OTOG: variants seen among roughly 807,000 people sequenced by gnomAD.
OTOG encodes otogelin.
Under a neutral mutation model 313.8 loss-of-function variants are expected in OTOG, and 296 were observed. The observed-to-expected ratio is 0.94, with a 90% CI of 0.86 to 1.04. The LOEUF is 1.04. Among genes scored for constraint, OTOG ranks in the 50% least tolerant of loss-of-function variants. The pLI is 0.00. For missense variants in OTOG, 3,948 were observed against 3,840.1 expected (o/e 1.03, Z -0.74); for synonymous variants, 1,533 against 1,554.9 (o/e 0.99, Z 0.33).
rs900991154 is a variant in OTOG, at chr11:17,610,014, G to A, written c.4714G>A (p.Val1572Ile). The A allele has an allele frequency of 1.9e-6, 3 of 1,546,558 alleles. No individual in the cohort carries two copies. The African/African-American group carries it at 4.1e-5, about 21-fold the overall frequency. The change falls in exon 36 of 56, where the codon GTT becomes ATT. Residue 1572 changes from valine to isoleucine, a missense_variant. Coordinates refer to ENST00000399397, the MANE Select transcript of OTOG (RefSeq NM_001292063.2). ...PHTPESSSLP[V>I]ALQTPTPGMV... ...TACACCAGAGTCCTCATCCCTCCCT[G>A]TTGCACTGCAGACACCCACACCTGG...
At position 17,634,960 on chromosome 11, in the gene OTOG, GGGGTGGGGA is replaced by G. The variant is rs1490129613; in HGVS notation, c.7585+21_7585+29del. The G allele has an allele frequency of 6.6e-7, 1 of 1,517,614 alleles. No individual in the cohort carries two copies. Among genetic ancestry groups the G allele is most frequent in the Non-Finnish European group, 8.9e-7 (1 of 1,119,260 alleles). The allele number at this position is 1,517,614 out of a possible 1,614,324, so 94.0% of individuals were successfully genotyped here. ...CAGCTACAGCTGTGGTGAGAGGCCCGGGGTGGGGAGGGTGGGGGACGGACTGAGGGCAGT... is the reference window on the plus strand; with the variant it reads ...CAGCTACAGCTGTGGTGAGAGGCCCGGGGTGGGGGACGGACTGAGGGCAGT... On this transcript the variant is annotated intron_variant, in intron 45 of 55. Transcript: ENST00000399397.
At chr11:17,634,350 C>T in intron 44 of OTOG, 69 bp downstream of exon 44, 1 of 1,453,378 alleles carries the variant, frequency 6.9e-7, no homozygotes, top group Non-Finnish European at 9.4e-7. Flanking sequence ...CCCTGCACAC[C>T]AACCCTGATG....
chr11:17,613,204 T>TTTCTTTCTTTCA lies in OTOG; in HGVS notation c.6439-397_6439-396insATTCTTTCTTTC, dbSNP rs1590043474. ...TTTCTTTCTTTCTTTCTTTTCTTTC[T>TTTCTTTCTTTCA]TTCTTTCTTTCTTTCTTTCTTTCTT... On this transcript the variant is annotated intron_variant, in intron 38 of 55. Coordinates refer to ENST00000399397, the MANE Select transcript of OTOG (RefSeq NM_001292063.2). 5.4e-5 allele frequency among the ~76,000 whole-genome samples: 5 copies of TTTCTTTCTTTCA among 93,032 alleles called. No individual in the cohort carries two copies. In the East Asian group the frequency reaches 9.6e-4, roughly 18 times the overall value. The allele number at this position is 93,032 out of a possible 152,430, so 61.0% of individuals were successfully genotyped here. A position where few individuals can be genotyped will look rare whatever the true frequency, so the allele number is the denominator to read the frequency against.
chr11:17,573,271 C>T lies in OTOG; in HGVS notation c.2274C>T (p.Arg758=), dbSNP rs16934404. 7.4e-3 allele frequency: 11,311 copies of T among 1,528,074 alleles called. 347 individuals carry two copies. The East Asian group carries it at 0.088, about 12-fold the overall frequency. 94.7% of individuals were successfully genotyped at this position (1,528,074 alleles called of 1,614,324 possible). ...CRRHGLPVDF[R]ARLPACALSC... is the part of the protein sequence containing the mutation. ...GCCATGGGCTCCCCGTTGATTTCCG[C>T]GCCCGCCTGCCAGCCTGTGGTGAGT... The change falls in exon 19 of 56, where the codon CGC becomes CGT. Residue 758 remains arginine, a synonymous_variant. Coordinates refer to ENST00000399397, the MANE Select transcript of OTOG (RefSeq NM_001292063.2).
At position 17,553,382 on chromosome 11, in the gene OTOG, G is replaced by A. The variant is rs1253570421; in HGVS notation, c.403G>A (p.Glu135Lys). 12 of 1,463,864 alleles carry A rather than the reference G, an allele frequency of 8.2e-6. No individual in the cohort carries two copies. The allele number at this position is 1,463,864 out of a possible 1,614,324, so 90.7% of individuals were successfully genotyped here. Residue 135 changes from glutamate (E) to lysine (K), a missense_variant, in exon 6 of 56, where the codon GAG (glutamate) becomes AAG (lysine). Physicochemically the swap from Glu to Lys is moderately conservative, Grantham distance 56. Transcript: ENST00000399397. ...TCCCTCAGTGTACAATGCCGGCCCT[G>A]AGAGGGACAGCATTTGCCGGGCGTG... Reference protein sequence around the residue: ...RCQMVYNAGPERDSICRAWGQ... With the variant: ...RCQMVYNAGPKRDSICRAWGQ...
chr11:17,602,846 G>T (rs1404927349), intron 32 of OTOG, among the ~76,000 whole-genome samples: 1 of 152,122 alleles, frequency 6.6e-6, no homozygotes, highest in East Asian at 1.9e-4. Context: ...AAGAGACAAG[G>T]TCCCTGCCCA....
chr11:17,558,054 G>C (rs775294338), intron 8 of OTOG, 131 bp from the exon 9 acceptor site: 4 of 1,158,570 alleles, frequency 3.5e-6, no homozygotes, highest in Admixed American at 2.6e-5. Context: ...ATTGGGATGG[G>C]AGCTCAGGAG....
At chr11:17,578,169 G>T (rs1290781663) in intron 22 of OTOG, 4 of 1,168,772 alleles carry the variant, frequency 3.4e-6, no homozygotes, top group Non-Finnish European at 4.4e-6. Flanking sequence ...CCTGGTGGCC[G>T]CAGTCTTATT....
At chr11:17,602,124 C>G (rs574711655) in intron 31 of OTOG, 86 bp from the exon 32 acceptor site, 7 of 1,461,448 alleles carry the variant, frequency 4.8e-6, no homozygotes, top group Non-Finnish European at 6.4e-6. Context: ...GCCCTCCCAC[C>G]CCACTGCTGC....
At position 17,602,260 on chromosome 11, in the gene OTOG, C is replaced by G. The variant is rs1416271649; in HGVS notation, c.3760C>G (p.Leu1254Val). The G allele has an allele frequency of 8.4e-6, 13 of 1,550,486 alleles. No homozygotes were observed. The highest frequency in any genetic ancestry group is 1.0e-5 in the Non-Finnish European group (12 of 1,146,980). The change falls in exon 32 of 56, where the codon CTG (leucine) becomes GTG (valine). Residue 1254 changes from leucine to valine, a missense_variant. Physicochemically the swap from Leu to Val is conservative, Grantham distance 32. Transcript: ENST00000399397. ...ATCCAGCTTGGCAGCCGGTGGTGCT[C>G]TGGTGGGCATGAAGGCGGTGGGCGA... The part of the protein sequence containing the change: ...QLSSLAAGGA[L>V]VGMKAVGDDI...
chr11:17,611,453 C>G (rs141591212), intron 36 of OTOG, 30 bp downstream of exon 36: 1 of 1,475,452 alleles, frequency 6.8e-7, no homozygotes, highest in Non-Finnish European at 9.1e-7. Context: ...TCTGGCCACC[C>G]GTATGTGACC....
intron 39 of OTOG, among the ~76,000 whole-genome samples, chr11:17,616,790 A>G (rs767984655): frequency 1.3e-5 from 2 of 152,232 alleles, no homozygotes; most frequent in South Asian, 2.1e-4. Flanking sequence ...ATAGACAATT[A>G]TGTCTTCTCC....
chr11:17,613,850 G>T, intron 39 of OTOG, 149 bp downstream of exon 39: 1 of 653,972 alleles, frequency 1.5e-6, no homozygotes, highest in South Asian at 1.8e-5. Context: ...GCAAAATTAG[G>T]TATATTTGGA....
chr11:17,603,271 C>A (rs368143939), intron 32 of OTOG, among the ~76,000 whole-genome samples: 1 of 152,136 alleles, frequency 6.6e-6, no homozygotes. Context: ...GAAGCACCAC[C>A]CCCAAAGACA....
At position 17,634,067 on chromosome 11, in the gene OTOG, A is replaced by G. The variant is rs1051452474; in HGVS notation, c.7268-2A>G. On this transcript the variant is annotated splice_acceptor_variant, in intron 43 of 55. Transcript: ENST00000399397. LOFTEE classifies it high-confidence loss of function. Reference sequence around the variant, plus strand: ...CTCGCACCCTGCCATTCCCCTCTGCAGCCTGCACTGACAGCATGGGGGTGC... The same window carrying G: ...CTCGCACCCTGCCATTCCCCTCTGCGGCCTGCACTGACAGCATGGGGGTGC... The G allele has an allele frequency of 6.5e-7, 1 of 1,543,830 alleles. No individual in the cohort carries two copies. Among genetic ancestry groups the G allele is most frequent in the Non-Finnish European group, 8.7e-7 (1 of 1,146,588 alleles).
intron 33 of OTOG, among the ~76,000 whole-genome samples, chr11:17,607,802 C>T (rs75659765): frequency 2.2e-4 from 33 of 152,216 alleles, no homozygotes; most frequent in South Asian, 2.1e-3. Flanking sequence ...CCCAGTGCCT[C>T]CCCTCACCCT....
At position 17,569,175 on chromosome 11, in the gene OTOG, T is replaced by C. The variant is rs772164299; in HGVS notation, c.1664T>C (p.Val555Ala). The part of the protein sequence containing the change: ...PCGLNQDGAC[V>A]QSVSVILHQD... The stretch of plus-strand genomic sequence containing the variant: ...CTCCAGAACCAAGATGGAGCCTGTG[T>C]CCAGTCAGTGTCAGTGATTCTGCAC... Residue 555 changes from valine to alanine, a missense_variant, in exon 16 of 56, where the codon GTC becomes GCC. Transcript: ENST00000399397. The C allele has an allele frequency of 3.2e-6, 5 of 1,550,628 alleles. No individual in the cohort carries two copies. The highest frequency in any genetic ancestry group is 4.4e-6 in the Non-Finnish European group (5 of 1,147,008).
intron 47 of OTOG, 102 bp from the exon 48 acceptor site, chr11:17,638,349 A>C: frequency 3.0e-6 from 3 of 1,000,084 alleles, no homozygotes; most frequent in Non-Finnish European, 4.4e-6. Context: ...GTCACTAAGG[A>C]GGAGCTGGGG....
chr11:17,574,700 C>T lies in OTOG; in HGVS notation c.2294-20C>T. 6.5e-7 allele frequency: 1 copy of T among 1,545,268 alleles called. No homozygotes were observed. The highest frequency in any genetic ancestry group is 8.7e-7 in the Non-Finnish European group (1 of 1,143,998). On this transcript the variant is annotated intron_variant, in intron 19 of 55. Transcript: ENST00000399397. ...GGGGATGAGGGAGACAAAGCATGCACCACTCCCCCCTCACTGCAGCACTGT... is the reference window on the plus strand; with the variant it reads ...GGGGATGAGGGAGACAAAGCATGCATCACTCCCCCCTCACTGCAGCACTGT...
Sources: allele counts gnomAD v4.1 joint callset (sites outside exome capture counted in the v4.1 genomes callset), GRCh38; gene constraint gnomAD v4.1.1; transcripts MANE v1.5; gene names NCBI Gene and HGNC (gene_info 2026-07-23, HGNC 2026-07-21).